Variants in RPL3 observed in about 807,000 individuals in gnomAD.
The protein encoded by RPL3 is large ribosomal subunit protein uL3.
In RPL3, 3 loss-of-function variants were observed where a neutral mutation model predicts 46.0. The observed-to-expected ratio is 0.07, with a 90% CI of 0.03 to 0.17. The LOEUF (loss-of-function observed/expected upper bound fraction) is 0.17. Ranked by LOEUF, RPL3 falls within the 10% of genes least tolerant of loss-of-function variation. RPL3 has a pLI of 1.00. For missense variants in RPL3, 387 were observed against 532.7 expected, an observed-to-expected ratio of 0.73 and a Z score of 2.69; for synonymous variants, 224 against 190.8, an observed-to-expected ratio of 1.17 and a Z score of -1.43.
intron 7 of RPL3, 60 bp downstream of exon 7, chr22:39,314,047 C>G (rs1922524097): frequency 7.0e-7 from 1 of 1,425,290 alleles, no homozygotes; most frequent in Non-Finnish European, 9.9e-7. Context: ...TAGGAAGCAG[C>G]CTATCCCCAA....
chr22:39,315,276 A>G, intron 5 of RPL3, 93 bp downstream of exon 5: 1 of 1,518,638 alleles, frequency 6.6e-7, no homozygotes, highest in Non-Finnish European at 9.1e-7. Flanking sequence ...CGCTGTACCC[A>G]GCGCTCACTC....
chr22:39,318,126 T>C (rs543586620), intron 2 of RPL3: 10 of 442,440 alleles, frequency 2.3e-5, no homozygotes, highest in Non-Finnish European at 4.0e-5. Flanking sequence ...CACACTAGTG[T>C]TAACTTCTCT....
chr22:39,318,948 G>T (rs1366217449), intron 1 of RPL3: 1 of 519,926 alleles, frequency 1.9e-6, no homozygotes, highest in Admixed American at 2.1e-5. Context: ...GGACTCCCGG[G>T]ACAAACGCTG....
chr22:39,314,317 C>T (rs1922545929), intron 6 of RPL3, 109 bp from the exon 7 acceptor site: 1 of 943,130 alleles, frequency 1.1e-6, no homozygotes, highest in Non-Finnish European at 1.7e-6. Flanking sequence ...GCCTCAGTCC[C>T]AGTCACAGCG....
intron 5 of RPL3, 91 bp downstream of exon 5, chr22:39,315,278 C>G: frequency 6.5e-7 from 1 of 1,527,374 alleles, no homozygotes; most frequent in Non-Finnish European, 9.1e-7. Context: ...CTGTACCCAG[C>G]GCTCACTCTG....
At position 39,312,890 on chromosome 22, in the gene RPL3, G is replaced by C. The variant is rs1922446573; in HGVS notation, c.*50C>G. The C allele has an allele frequency of 6.2e-7, 1 of 1,609,340 alleles. No individual in the cohort carries two copies. Among genetic ancestry groups the C allele is most frequent in the Middle Eastern group, 1.7e-4 (1 of 6,022 alleles). The stretch of plus-strand genomic sequence containing the variant: ...TGAAGAAAGAGGCAAGATGTCAGTG[G>C]AAAATAACTTTTATTGAGACCCCAC... On this transcript the variant is annotated 3_prime_UTR_variant, in exon 10 of 10. Transcript: ENST00000216146.
intron 8 of RPL3, 137 bp downstream of exon 8, chr22:39,313,497 G>T: frequency 8.0e-7 from 1 of 1,242,380 alleles, no homozygotes; most frequent in Non-Finnish European, 1.1e-6. Context: ...CCTCATCTCA[G>T]GACTTCAAAG....
At chr22:39,318,787 G>C (rs1266071608) in intron 1 of RPL3, among the ~76,000 whole-genome samples, 195 bp from the exon 2 acceptor site, 1 of 152,184 alleles carries the variant, frequency 6.6e-6, no homozygotes, top group Non-Finnish European at 1.5e-5. Flanking sequence ...CAAAATTTAA[G>C]CTGAATCTTA....
At chr22:39,318,295 G>C in intron 2 of RPL3, 105 bp downstream of exon 2, 1 of 1,221,686 alleles carries the variant, frequency 8.2e-7, no homozygotes, top group Non-Finnish European at 1.2e-6. Context: ...TGTAACTCCT[G>C]CTTAAAAAAA....
At chr22:39,319,158 A>C (rs546877290) in intron 1 of RPL3, 11 of 544,168 alleles carry the variant, frequency 2.0e-5, no homozygotes, top group Admixed American at 1.9e-4. Context: ...CAGCGGCCCC[A>C]GATATTCAGG....
rs1199976447 is a variant in RPL3, at chr22:39,314,800, G to A, written c.735C>T (p.His245=). ...TACAGGCCACCTTGCGCAGGCCTCG[G>A]TGGGTCTTGCGGGGCAGCTTCTTGG... The part of the protein sequence containing the change: ...WHTKKLPRKT[H]RGLRKVACIG... The change falls in exon 6 of 10, where the codon CAC becomes CAT. Residue 245 remains histidine (H), a synonymous_variant. Transcript: ENST00000216146. 6.2e-7 allele frequency: 1 copy of A among 1,613,850 alleles called. No homozygotes were observed. The highest frequency in any genetic ancestry group is 1.7e-5 in the Admixed American group (1 of 60,020).
At chr22:39,318,841 A>T (rs958624185) in intron 1 of RPL3, among the ~76,000 whole-genome samples, 1 of 152,030 alleles carries the variant, frequency 6.6e-6, no homozygotes, top group South Asian at 2.1e-4. Flanking sequence ...CATTTTTTTT[A>T]TCTAACCACA....
Position 39,315,378 on chromosome 22 carries a change from C to T in RPL3, c.679G>A (p.Gly227Ser). ...IDVIGVTKGK[G>S]YKGVTSRWHT... is the part of the protein sequence containing the mutation. ...CCACCGCAAAGCTCACCTTTGTAGC[C>T]TTTGCCCTTGGTCACCCCGATGACG... Residue 227 changes from glycine (G) to serine (S), a missense_variant, in exon 5 of 10, where the codon GGC becomes AGC. This residue lies in a region of RPL3 where 48 missense variants were observed against 80.7 expected (regional missense o/e 0.60). Transcript: ENST00000216146. The T allele has an allele frequency of 6.2e-7, 1 of 1,614,058 alleles. No individual in the cohort carries two copies. The highest frequency in any genetic ancestry group is 1.1e-5 in the South Asian group (1 of 91,086).
chr22:39,317,755 C>A, intron 2 of RPL3, 126 bp from the exon 3 acceptor site: 2 of 998,394 alleles, frequency 2.0e-6, no homozygotes, highest in Non-Finnish European at 3.0e-6. Flanking sequence ...GCAGTACGGA[C>A]TCACAGGGCT....
intron 4 of RPL3, 116 bp from the exon 5 acceptor site, chr22:39,315,671 C>G (rs1355334071): frequency 1.6e-6 from 2 of 1,219,326 alleles, no homozygotes; most frequent in Non-Finnish European, 2.3e-6. Flanking sequence ...GCCAGTAACT[C>G]TGAACAAGTC....
chr22:39,318,260 T>C (rs886204255), intron 2 of RPL3, 140 bp downstream of exon 2: 3 of 780,810 alleles, frequency 3.8e-6, no homozygotes, highest in Non-Finnish European at 4.1e-6. Context: ...ATTCCCATTC[T>C]GCTGTCGCAG....
chr22:39,317,199 C>T (rs1478283901), intron 3 of RPL3: 1 of 570,802 alleles, frequency 1.8e-6, no homozygotes, highest in Non-Finnish European at 3.1e-6. Flanking sequence ...GCTACCTCTC[C>T]TGGTTTCTAG....
rs376619725 is a variant in RPL3, at chr22:39,313,245, G to C, written c.1113C>G (p.Thr371=). 6.2e-7 allele frequency: 1 copy of C among 1,611,604 alleles called. No individual in the cohort carries two copies. Among genetic ancestry groups the C allele is most frequent in the Non-Finnish European group, 8.5e-7 (1 of 1,179,014 alleles). Residue 371 remains threonine (T), a synonymous_variant, in exon 9 of 10, where the codon ACC becomes ACG. Transcript: ENST00000216146. ...EKIDLKFIDT[T]SKFGHGRFQT... ...GGAAGCGGCCATGGCCAAACTTGGA[G>C]GTGGTGTCAATGAACTTAAGGTCAA...
intron 2 of RPL3, chr22:39,318,155 A>T: frequency 2.0e-6 from 1 of 487,860 alleles, no homozygotes; most frequent in South Asian, 2.7e-5. Context: ...GTTCCTGGCA[A>T]ATTTACTATG....
Sources: allele counts gnomAD v4.1 joint callset (sites outside exome capture counted in the v4.1 genomes callset), GRCh38; gene constraint gnomAD v4.1.1; regional missense constraint gnomAD v4.1.1; transcripts MANE v1.5; gene names NCBI Gene and HGNC (gene_info 2026-07-23, HGNC 2026-07-21).